The following SS18 variants were observed in gnomAD, a reference collection of about 807,000 sequenced individuals.
SS18 encodes the protein SS18 subunit of BAF chromatin remodeling complex.
Under a neutral mutation model 72.5 loss-of-function variants are expected in SS18, and 28 were observed. The ratio of observed to expected loss-of-function variants is 0.39; its 90% CI spans 0.29 to 0.53. The LOEUF is 0.53. Ranked by LOEUF, SS18 falls within the 20% of genes least tolerant of loss-of-function variation. The pLI, the probability that SS18 is intolerant of heterozygous loss-of-function variation, is 0.76. For missense variants in SS18, 518 were observed against 535.3 expected (o/e 0.97, Z 0.32); for synonymous variants, 172 against 164.2 (o/e 1.05, Z -0.37).
Position 26,032,487 on chromosome 18 carries a change from T to C in SS18, c.1142A>G (p.Gln381Arg). The C allele has an allele frequency of 6.2e-7, 1 of 1,613,888 alleles. No individual in the cohort carries two copies. Among genetic ancestry groups the C allele is most frequent in the Non-Finnish European group, 8.5e-7 (1 of 1,179,852 alleles). Residue 381 changes from glutamine (Q) to arginine (R), a missense_variant, in exon 10 of 11, where the codon CAG becomes CGG. Coordinates refer to ENST00000415083, the MANE Select transcript of SS18 (RefSeq NM_001007559.3). ...TCCTCCATACTGCTGACCTTGTCCCTGTGGGTAGTTAGGATACTGAGGACC... is the reference window on the plus strand; with the variant it reads ...TCCTCCATACTGCTGACCTTGTCCCCGTGGGTAGTTAGGATACTGAGGACC... ...GPGPQYPNYP[Q>R]GQGQQYGGYR...
chr18:26,061,549 A>G (rs1427184348), intron 3 of SS18, among the ~76,000 whole-genome samples: 1 of 152,210 alleles, frequency 6.6e-6, no homozygotes, highest in African/African-American at 2.4e-5. Context: ...CAGTCAGTGA[A>G]AATAAGACAT....
At chr18:26,037,889 T>C (rs559953999) in intron 7 of SS18, among the ~76,000 whole-genome samples, 1 of 152,216 alleles carries the variant, frequency 6.6e-6, no homozygotes, top group African/African-American at 2.4e-5. Flanking sequence ...TATTCAAATT[T>C]TCCTGAAGTA....
intron 10 of SS18, among the ~76,000 whole-genome samples, chr18:26,022,011 A>G (rs1330675444): frequency 6.6e-6 from 1 of 152,164 alleles, no homozygotes; most frequent in Non-Finnish European, 1.5e-5. Context: ...GAGTATATTG[A>G]ATGAGAAGAG....
rs71169806 is a variant in SS18 at position 26,047,259 on chromosome 18, CAA to C, written c.607+5363_607+5364del. Among the ~76,000 whole-genome samples, 391 of 75,736 alleles carry C rather than the reference CAA, an allele frequency of 5.2e-3. 1 individual carries two copies. The highest frequency in any genetic ancestry group is 0.016 in the African/African-American group (365 of 23,202). 49.7% of individuals were successfully genotyped at this position (75,736 alleles called of 152,430 possible). A position where few individuals can be genotyped will look rare whatever the true frequency, so the allele number is the denominator to read the frequency against. On this transcript the variant is annotated intron_variant, in intron 5 of 10. Coordinates refer to ENST00000415083, the MANE Select transcript of SS18 (RefSeq NM_001007559.3). ...CTGTTACCTTTGGAAAGTAATATGC[CAA>C]AAAAAAAAAAAAAAAAAAAAAGAAG...
intron 2 of SS18, among the ~76,000 whole-genome samples, chr18:26,081,617 G>C (rs1285365822): frequency 6.6e-6 from 1 of 152,042 alleles, no homozygotes; most frequent in African/African-American, 2.4e-5. Flanking sequence ...AATACTCTAG[G>C]AGAATCTGGA....
In SS18 at chr18:26,035,261, A is replaced by C; in HGVS notation, c.974-134T>G. 8.4e-7 allele frequency: 1 copy of C among 1,186,730 alleles called. No homozygotes were observed. The highest frequency in any genetic ancestry group is 1.5e-5 in the African/African-American group (1 of 64,830). The allele number at this position is 1,186,730 out of a possible 1,614,324, so 73.5% of individuals were successfully genotyped here. ...TTGATTTTTAGAAGTTAACAAAACA[A>C]AGAAAAAACTCAAACCAAACAGAAG... On this transcript the variant is annotated intron_variant, in intron 8 of 10. Coordinates refer to ENST00000415083, the MANE Select transcript of SS18 (RefSeq NM_001007559.3). This position sits in a 1 kb window ranked among gnomAD's most constrained non-coding sequence, Gnocchi z 4.4.
At chr18:26,067,056 T>C (rs943247867) in intron 3 of SS18, among the ~76,000 whole-genome samples, 1 of 152,240 alleles carries the variant, frequency 6.6e-6, no homozygotes, top group Admixed American at 6.5e-5. Context: ...TTTTTCTTTA[T>C]AGTTTTCTCT....
At chr18:26,047,912 T>C (rs2053857851) in intron 5 of SS18, among the ~76,000 whole-genome samples, 1 of 152,222 alleles carries the variant, frequency 6.6e-6, no homozygotes, top group South Asian at 2.1e-4. Context: ...TGTTTTTACA[T>C]GTGAAATTCA....
At chr18:26,018,625 ATACT>A (rs1469391469) in intron 10 of SS18, among the ~76,000 whole-genome samples, 1 of 152,236 alleles carries the variant, frequency 6.6e-6, no homozygotes, top group Non-Finnish European at 1.5e-5. Flanking sequence ...GCCTAGAATA[ATACT>A]TGTCAGAGTG....
chr18:26,047,998 G>A (rs779240174), intron 5 of SS18, among the ~76,000 whole-genome samples: 20 of 152,036 alleles, frequency 1.3e-4, no homozygotes, highest in Non-Finnish European at 2.5e-4. Flanking sequence ...ACATGAACAG[G>A]CAATTCATAG....
intron 10 of SS18, among the ~76,000 whole-genome samples, chr18:26,032,195 TA>T (rs2053555065): frequency 6.6e-6 from 1 of 152,128 alleles, no homozygotes; most frequent in Non-Finnish European, 1.5e-5. Flanking sequence ...GGCCATGTTT[TA>T]TATGATAGAG....
At chr18:26,020,205 CCT>C (rs1186152815) in intron 10 of SS18, among the ~76,000 whole-genome samples, 2 of 152,098 alleles carry the variant, frequency 1.3e-5, no homozygotes, top group African/African-American at 4.8e-5. Context: ...TCTAAAAAAA[CCT>C]CTGTGAGACT....
At chr18:26,029,673 C>G (rs2053510953) in intron 10 of SS18, among the ~76,000 whole-genome samples, 1 of 152,156 alleles carries the variant, frequency 6.6e-6, no homozygotes, top group South Asian at 2.1e-4. Context: ...AATTTCCACC[C>G]TTTTAATTTC....
rs1301224655 is a variant in SS18 at position 26,038,652 on chromosome 18, T to C, written c.783A>G (p.Pro261=). The change falls in exon 7 of 11, where the codon CCA becomes CCG. Residue 261 remains proline (P), a synonymous_variant. Transcript: ENST00000415083. ...AGTCTTCCTGGCCTGAGTACTGCTG[T>C]GGTGGGCCTGAAAAACCACAACCAG... ...PPYRPPQQGP[P]QQYSGQEDYY... is the part of the protein sequence containing the mutation. 1.2e-6 allele frequency: 2 copies of C among 1,613,082 alleles called. No individual in the cohort carries two copies. Among genetic ancestry groups the C allele is most frequent in the African/African-American group, 1.3e-5 (1 of 74,892 alleles).
At chr18:26,057,233 C>A (rs963614818) in intron 4 of SS18, among the ~76,000 whole-genome samples, 1 of 152,154 alleles carries the variant, frequency 6.6e-6, no homozygotes, top group Admixed American at 6.5e-5. Context: ...AATAAAAACT[C>A]AGGGAAATGT....
At chr18:26,021,636 T>A (rs1369646439) in intron 10 of SS18, among the ~76,000 whole-genome samples, 1 of 152,116 alleles carries the variant, frequency 6.6e-6, no homozygotes, top group Non-Finnish European at 1.5e-5. Flanking sequence ...TGGTCTAAAC[T>A]AAGATAAGGG....
At chr18:26,037,270 T>C (rs2053642053) in intron 7 of SS18, among the ~76,000 whole-genome samples, 1 of 151,974 alleles carries the variant, frequency 6.6e-6, no homozygotes, top group African/African-American at 2.4e-5. Context: ...GTTATAACAA[T>C]ACACATGTCA....
intron 3 of SS18, among the ~76,000 whole-genome samples, chr18:26,058,510 G>A (rs1441478513): frequency 1.3e-5 from 2 of 152,168 alleles, no homozygotes; most frequent in Non-Finnish European, 2.9e-5. Flanking sequence ...AGGAGAGGGA[G>A]GCATTATTCT....
At chr18:26,027,498 A>C (rs1215228313) in intron 10 of SS18, among the ~76,000 whole-genome samples, 6 of 151,482 alleles carry the variant, frequency 4.0e-5, no homozygotes, top group African/African-American at 1.5e-4. Flanking sequence ...AATACAAATA[A>C]AAATAAATAA....
Sources: allele counts gnomAD v4.1 joint callset (sites outside exome capture counted in the v4.1 genomes callset), GRCh38; gene constraint gnomAD v4.1.1; non-coding constraint Gnocchi (gnomAD v3.1); transcripts MANE v1.5; gene names NCBI Gene and HGNC (gene_info 2026-07-23, HGNC 2026-07-21).